Variants in SRGAP1 observed in about 807,000 individuals in gnomAD.
SRGAP1 encodes the protein SLIT-ROBO Rho GTPase activating protein 1.
In SRGAP1, 43 loss-of-function variants were observed where a neutral mutation model predicts 121.9. That is an observed-to-expected ratio of 0.35 (90% CI 0.28 to 0.46). The LOEUF (loss-of-function observed/expected upper bound fraction) is 0.46. Ranked by LOEUF, SRGAP1 falls within the 20% of genes least tolerant of loss-of-function variation. SRGAP1 has a pLI of 1.00. For synonymous variants in SRGAP1, 447 were observed against 485.4 expected (o/e 0.92, Z 1.04); for missense variants, 1,102 against 1,350.9 (o/e 0.82, Z 2.89).
At chr12:64,116,618 G>A (rs1232742832) in intron 18 of SRGAP1, among the ~76,000 whole-genome samples, 3 of 152,078 alleles carry the variant, frequency 2.0e-5, no homozygotes, top group African/African-American at 7.2e-5. Flanking sequence ...ATATTCCATT[G>A]TATGTATCTA....
intron 1 of SRGAP1, among the ~76,000 whole-genome samples, chr12:63,894,658 TC>T (rs1276823869): frequency 3.3e-5 from 5 of 152,110 alleles, no homozygotes; most frequent in African/African-American, 1.2e-4. Context: ...TGTGTGATGT[TC>T]CCCTTCTTGT....
At chr12:64,057,233 A>C (rs1466263348) in intron 6 of SRGAP1, among the ~76,000 whole-genome samples, 1 of 152,172 alleles carries the variant, frequency 6.6e-6, no homozygotes, top group African/African-American at 2.4e-5. Flanking sequence ...TTCATTGCTC[A>C]AGAGAAAACT....
chr12:63,896,506 A>G (rs1900759068), intron 1 of SRGAP1, among the ~76,000 whole-genome samples: 1 of 152,178 alleles, frequency 6.6e-6, no homozygotes. Context: ...CAGGTAATAC[A>G]CAGGCATAAG....
At chr12:63,922,363 G>A (rs1178926475) in intron 1 of SRGAP1, among the ~76,000 whole-genome samples, 1 of 152,172 alleles carries the variant, frequency 6.6e-6, no homozygotes, top group Non-Finnish European at 1.5e-5. Context: ...TTCAACTGAT[G>A]TCCATATGTA....
At chr12:63,999,082 C>T (rs1272601046) in intron 3 of SRGAP1, among the ~76,000 whole-genome samples, 1 of 152,028 alleles carries the variant, frequency 6.6e-6, no homozygotes, top group Middle Eastern at 3.2e-3. Context: ...CAATTTGAAT[C>T]AGTTATTAAG....
At chr12:63,903,581 A>G (rs1294602129) in intron 1 of SRGAP1, among the ~76,000 whole-genome samples, 1 of 145,348 alleles carries the variant, frequency 6.9e-6, no homozygotes, top group African/African-American at 2.6e-5. Context: ...TTTGAGACAG[A>G]GTCTCACTCT....
intron 15 of SRGAP1, among the ~76,000 whole-genome samples, chr12:64,099,984 A>G (rs2036228215): frequency 1.3e-5 from 2 of 152,240 alleles, no homozygotes. Flanking sequence ...CCAACTTTGT[A>G]TAAACTTGGG....
At chr12:64,106,877 T>G (rs1368773695) in intron 15 of SRGAP1, among the ~76,000 whole-genome samples, 3 of 152,146 alleles carry the variant, frequency 2.0e-5, no homozygotes, top group African/African-American at 7.2e-5. Flanking sequence ...AAAGGCAAAA[T>G]GTAGTATATT....
intron 1 of SRGAP1, chr12:63,872,035 C>T (rs1366687666): frequency 2.0e-5 from 16 of 787,940 alleles, no homozygotes; most frequent in Non-Finnish European, 2.7e-5. Context: ...GGTTTAGGTA[C>T]GTTGACCATC....
In SRGAP1 at chr12:63,899,872, A is replaced by G. The variant is rs117261874; in HGVS notation, c.67+54989A>G. On this transcript the variant is annotated intron_variant, in intron 1 of 21. Coordinates refer to ENST00000355086, the MANE Select transcript of SRGAP1 (RefSeq NM_020762.4). ...TAGAAGCTATGAAGTGACTCCTTAT[A>G]TAATAAATGTAAGGTATCTTTGCTC... Among the ~76,000 whole-genome samples the G allele has an allele frequency of 1.7e-3, 266 of 152,358 alleles. 1 individual carries two copies. The highest frequency in any genetic ancestry group is 3.1e-3 in the Non-Finnish European group (210 of 68,034).
chr12:64,098,878 C>G (rs2036212336), intron 15 of SRGAP1, among the ~76,000 whole-genome samples: 1 of 152,162 alleles, frequency 6.6e-6, no homozygotes, highest in Non-Finnish European at 1.5e-5. Context: ...CCTCAGCTGT[C>G]CATGATAACC....
chr12:64,020,754 A>G (rs1432090320), intron 4 of SRGAP1, among the ~76,000 whole-genome samples: 2 of 151,546 alleles, frequency 1.3e-5, no homozygotes, highest in Non-Finnish European at 2.9e-5. Flanking sequence ...GAGGCAGGAC[A>G]ATCGCTTGAA....
chr12:64,023,500 T>A (rs748528458), intron 4 of SRGAP1, among the ~76,000 whole-genome samples: 11 of 152,228 alleles, frequency 7.2e-5, no homozygotes, highest in African/African-American at 1.2e-4. Context: ...ATTTCTTTAC[T>A]TTCTCTAGGC....
chr12:63,862,208 T>C (rs2136267932), intron 1 of SRGAP1, among the ~76,000 whole-genome samples: 1 of 152,292 alleles, frequency 6.6e-6, no homozygotes, highest in South Asian at 2.1e-4. Context: ...TCTTTACATA[T>C]CAAAACTAGT....
intron 18 of SRGAP1, among the ~76,000 whole-genome samples, chr12:64,118,355 G>A (rs147365853): frequency 7.3e-5 from 11 of 151,438 alleles, no homozygotes; most frequent in Non-Finnish European, 1.5e-4. Flanking sequence ...CTGCAGCCTG[G>A]ACTTCCCCGG....
chr12:63,995,540 C>G (rs2033673809), intron 3 of SRGAP1, among the ~76,000 whole-genome samples: 1 of 152,134 alleles, frequency 6.6e-6, no homozygotes, highest in African/African-American at 2.4e-5. Flanking sequence ...TCAGAAACTT[C>G]TGAGAAATAG....
At chr12:63,958,860 C>G (rs756046275) in intron 1 of SRGAP1, among the ~76,000 whole-genome samples, 3 of 152,156 alleles carry the variant, frequency 2.0e-5, no homozygotes, top group African/African-American at 4.8e-5. Context: ...TGTTCTTTTT[C>G]TGCCTTTGAT....
intron 19 of SRGAP1, among the ~76,000 whole-genome samples, chr12:64,126,556 T>C (rs892071634): frequency 3.4e-4 from 52 of 152,222 alleles, no homozygotes; most frequent in African/African-American, 1.2e-3. Flanking sequence ...ATGCTGTTTT[T>C]TGTTTTGTTT....
chr12:64,142,488 G>A lies in SRGAP1; in HGVS notation c.3074G>A (p.Arg1025Gln), dbSNP rs368816137. 22 of 1,614,070 alleles carry A rather than the reference G, an allele frequency of 1.4e-5. No homozygotes were observed. Among genetic ancestry groups the A allele is most frequent in the Admixed American group, 3.3e-5 (2 of 60,004 alleles). ...VALRSSEPQI[R>Q]RSTSSSSDTM... ...CTCAGGAGCTCCGAGCCTCAGATTC[G>A]ACGTAGCACGAGCTCCTCCAGTGAC... Residue 1025 changes from arginine to glutamine, a missense_variant, in exon 22 of 22, where the codon CGA (arginine) becomes CAA (glutamine). This residue lies in a region of SRGAP1 where 315 missense variants were observed against 343.1 expected (regional missense o/e 0.92). Coordinates refer to ENST00000355086, the MANE Select transcript of SRGAP1 (RefSeq NM_020762.4).
Sources: allele counts gnomAD v4.1 joint callset (sites outside exome capture counted in the v4.1 genomes callset), GRCh38; gene constraint gnomAD v4.1.1; regional missense constraint gnomAD v4.1.1; transcripts MANE v1.5; gene names NCBI Gene and HGNC (gene_info 2026-07-23, HGNC 2026-07-21).